Variants in ANO2 observed in about 807,000 individuals in gnomAD.
The protein encoded by ANO2 is anoctamin 2, also known as anoctamin-2.
Under a neutral mutation model 124.2 loss-of-function variants are expected in ANO2, and 101 were observed. The ratio of observed to expected loss-of-function variants is 0.81; its 90% CI spans 0.69 to 0.96. The LOEUF (loss-of-function observed/expected upper bound fraction) is 0.96, where lower values mean the gene tolerates loss of function less well. Ranked by LOEUF, ANO2 falls within the 40% of genes least tolerant of loss-of-function variation. The pLI, the probability that ANO2 is intolerant of heterozygous loss-of-function variation, is 0.00. For synonymous variants in ANO2, 486 were observed against 482.5 expected, an observed-to-expected ratio of 1.01 and a Z score of -0.09; for missense variants, 1,293 against 1,274.5, an observed-to-expected ratio of 1.01 and a Z score of -0.22.
At chr12:5,593,997 C>T (rs867598474) in intron 20 of ANO2, among the ~76,000 whole-genome samples, 1 of 152,176 alleles carries the variant, frequency 6.6e-6, no homozygotes, top group African/African-American at 2.4e-5. Flanking sequence ...AAGAGATGAA[C>T]GAAACCTAAT....
intron 3 of ANO2, among the ~76,000 whole-genome samples, chr12:5,919,086 A>G (rs77982007): frequency 0.035 from 5,373 of 152,268 alleles, 353 homozygotes; most frequent in African/African-American, 0.12. Flanking sequence ...ACAGATAAAA[A>G]ACAAACAAAA....
chr12:5,596,801 C>T (rs1452457919), intron 20 of ANO2, among the ~76,000 whole-genome samples: 1 of 152,214 alleles, frequency 6.6e-6, no homozygotes, highest in African/African-American at 2.4e-5. Flanking sequence ...TAACACTGGA[C>T]ACTTAATACA....
chr12:5,892,874 T>G (rs985635229), intron 3 of ANO2, among the ~76,000 whole-genome samples: 1 of 152,234 alleles, frequency 6.6e-6, no homozygotes, highest in African/African-American at 2.4e-5. Context: ...AAATAGACTA[T>G]TCTCACTTCT....
At chr12:5,830,356 G>A (rs1954111258) in intron 6 of ANO2, 79 bp downstream of exon 6, 1 of 1,417,972 alleles carries the variant, frequency 7.1e-7, no homozygotes, top group Non-Finnish European at 9.8e-7. Flanking sequence ...TGGCAGGGAG[G>A]GTAAGAGAAT....
At chr12:5,881,660 C>T (rs1025149253) in intron 3 of ANO2, 1 of 152,174 alleles carries the variant, frequency 6.6e-6, no homozygotes, top group African/African-American at 2.4e-5. Flanking sequence ...AGTCACAATA[C>T]AACAATTAAA....
At chr12:5,694,725 TTTTC>T (rs1486655495) in intron 14 of ANO2, among the ~76,000 whole-genome samples, 1 of 152,052 alleles carries the variant, frequency 6.6e-6, no homozygotes, top group Non-Finnish European at 1.5e-5. Context: ...AGGTTTCTGG[TTTTC>T]TTTGTTTTGT....
intron 19 of ANO2, among the ~76,000 whole-genome samples, chr12:5,609,906 G>C (rs1944401691): frequency 6.9e-6 from 1 of 144,182 alleles, no homozygotes. Flanking sequence ...ATAAAAATTT[G>C]TATATAAATT....
chr12:5,565,893 T>G (rs1223579465), intron 23 of ANO2, among the ~76,000 whole-genome samples: 1 of 152,146 alleles, frequency 6.6e-6, no homozygotes, highest in Non-Finnish European at 1.5e-5. Flanking sequence ...AAAAAGACAT[T>G]TCTACTACCC....
Position 5,563,805 on chromosome 12 carries a change from G to A in ANO2, c.2728-237C>T, listed in dbSNP as rs776959556. 1.3e-4 allele frequency among the ~76,000 whole-genome samples: 20 copies of A among 152,200 alleles called. 1 individual carries two copies. The highest frequency in any genetic ancestry group is 4.1e-4 in the South Asian group (2 of 4,824). ...GGTTCATACATGTGGAGCATCTGCC[G>A]CAGTGCCTGGCACAGAGCAGGACTC... On this transcript the variant is annotated intron_variant, in intron 24 of 24. Coordinates refer to ENST00000682330, the MANE Select transcript of ANO2 (RefSeq NM_001364791.2).
intron 14 of ANO2, among the ~76,000 whole-genome samples, chr12:5,717,213 C>G (rs1950055210): frequency 6.6e-6 from 1 of 152,154 alleles, no homozygotes; most frequent in African/African-American, 2.4e-5. Context: ...CAGAGCAAGC[C>G]CTTGGATTGC....
intron 20 of ANO2, among the ~76,000 whole-genome samples, chr12:5,599,085 C>T (rs1164308440): frequency 6.6e-6 from 1 of 152,150 alleles, no homozygotes; most frequent in East Asian, 1.9e-4. Context: ...CGGATACTTT[C>T]CATGAAGGAA....
At position 5,732,571 on chromosome 12, in the gene ANO2, G is replaced by C. The variant is rs747511223; in HGVS notation, c.1494C>G (p.Asn498Lys). The change falls in exon 14 of 25, where the codon AAC becomes AAG. Residue 498 changes from asparagine to lysine, a missense_variant. Transcript: ENST00000682330. Reference protein sequence around the residue: ...KVREKMLKESNQSAVQKLETN... With the variant: ...KVREKMLKESKQSAVQKLETN... ...TTTCCAATTTCTGGACAGCAGACTGGTTGCTCTCCTTTAGCATTTTCTCTC... is the reference window on the plus strand; with the variant it reads ...TTTCCAATTTCTGGACAGCAGACTGCTTGCTCTCCTTTAGCATTTTCTCTC... The C allele has an allele frequency of 6.8e-6, 11 of 1,613,894 alleles. No homozygotes were observed. The South Asian group carries it at 1.1e-4, about 16-fold the overall frequency.
intron 22 of ANO2, 103 bp from the exon 23 acceptor site, chr12:5,576,118 A>G: frequency 8.4e-7 from 1 of 1,187,854 alleles, no homozygotes; most frequent in Non-Finnish European, 1.1e-6. Flanking sequence ...ACTGATACAG[A>G]AGCTCATGCA....
intron 10 of ANO2, among the ~76,000 whole-genome samples, chr12:5,757,343 CAT>C (rs1193977781): frequency 6.6e-6 from 1 of 152,182 alleles, no homozygotes; most frequent in Non-Finnish European, 1.5e-5. Context: ...TTTACCAACT[CAT>C]ATATTTTTAT....
chr12:5,634,938 T>C (rs1394554828), intron 16 of ANO2, among the ~76,000 whole-genome samples: 1 of 152,174 alleles, frequency 6.6e-6, no homozygotes, highest in Admixed American at 6.5e-5. Context: ...GAGGACTTGA[T>C]CAAGAACATT....
Position 5,677,706 on chromosome 12 carries a change from C to T in ANO2, c.1546-29905G>A, listed in dbSNP as rs142154888. ...AGAGAGGAAGGCTCAGCTACCATAC[C>T]CAAAGGAAATGACTACCAGTGAGGA... is the stretch of plus-strand genomic sequence containing the variant. On this transcript the variant is annotated intron_variant, in intron 14 of 24. Coordinates refer to ENST00000682330, the MANE Select transcript of ANO2 (RefSeq NM_001364791.2). 2.5e-3 allele frequency among the ~76,000 whole-genome samples: 375 copies of T among 152,236 alleles called. 2 individuals carry two copies. The highest frequency in any genetic ancestry group is 8.5e-3 in the African/African-American group (354 of 41,544).
chr12:5,621,072 G>C (rs1382943194), intron 16 of ANO2, among the ~76,000 whole-genome samples: 1 of 152,082 alleles, frequency 6.6e-6, no homozygotes, highest in Non-Finnish European at 1.5e-5. Context: ...GGAAGTGTCT[G>C]CCATTGAAAG....
chr12:5,625,163 T>G (rs1405468228), intron 16 of ANO2, among the ~76,000 whole-genome samples: 4 of 152,080 alleles, frequency 2.6e-5, no homozygotes, highest in East Asian at 1.9e-4. Flanking sequence ...AAAATTAAAT[T>G]TTTAAAAAAT....
intron 14 of ANO2, among the ~76,000 whole-genome samples, chr12:5,671,053 C>A (rs1947974115): frequency 6.6e-6 from 1 of 152,184 alleles, no homozygotes; most frequent in African/African-American, 2.4e-5. Context: ...CTGGCATCTG[C>A]CCTCTCAGAA....
Sources: allele counts gnomAD v4.1 joint callset (sites outside exome capture counted in the v4.1 genomes callset), GRCh38; gene constraint gnomAD v4.1.1; transcripts MANE v1.5; gene names NCBI Gene and HGNC (gene_info 2026-07-23, HGNC 2026-07-21).